Variants in BMPER observed in about 807,000 individuals in gnomAD.
The protein encoded by BMPER is BMP binding endothelial regulator.
A neutral mutation model predicts 87.3 loss-of-function variants in BMPER; 45 were observed. The observed-to-expected ratio is 0.52, with a 90% CI of 0.41 to 0.66. The LOEUF (loss-of-function observed/expected upper bound fraction) is 0.66. BMPER is among the 30% of genes least tolerant of loss of function. BMPER has a pLI of 0.00. For missense variants in BMPER, 784 were observed against 867.5 expected (o/e 0.90, Z 1.21); for synonymous variants, 326 against 316.2 (o/e 1.03, Z -0.33).
At chr7:34,076,558 A>G (rs1788870707) in intron 11 of BMPER, among the ~76,000 whole-genome samples, 1 of 152,084 alleles carries the variant, frequency 6.6e-6, no homozygotes, top group Admixed American at 6.6e-5. Context: ...TTCAGTGACT[A>G]GATCATAGTT....
At chr7:33,981,011 T>C (rs1397830344) in intron 6 of BMPER, among the ~76,000 whole-genome samples, 1 of 152,246 alleles carries the variant, frequency 6.6e-6, no homozygotes, top group East Asian at 1.9e-4. Context: ...GACTGGATTC[T>C]TGAAGATGTT....
At chr7:34,015,032 A>G (rs1786982862) in intron 6 of BMPER, among the ~76,000 whole-genome samples, 1 of 151,928 alleles carries the variant, frequency 6.6e-6, no homozygotes, top group Non-Finnish European at 1.5e-5. Flanking sequence ...GTGATTTCAT[A>G]ATAAAGAGTC....
At chr7:34,007,915 C>T (rs1174507762) in intron 6 of BMPER, among the ~76,000 whole-genome samples, 1 of 151,842 alleles carries the variant, frequency 6.6e-6, no homozygotes, top group Admixed American at 6.6e-5. Flanking sequence ...ATATTCACCT[C>T]CATTGAGAGT....
intron 13 of BMPER, among the ~76,000 whole-genome samples, chr7:34,113,489 A>ATTTT (rs79910378): frequency 6.6e-6 from 1 of 151,510 alleles, no homozygotes; most frequent in Admixed American, 6.6e-5. Flanking sequence ...ATTTTATTTT[A>ATTTT]AATCTTTAAT....
intron 13 of BMPER, among the ~76,000 whole-genome samples, chr7:34,141,412 C>G (rs1489313123): frequency 6.6e-6 from 1 of 151,944 alleles, no homozygotes; most frequent in African/African-American, 2.4e-5. Context: ...GAGTTCGAGA[C>G]CAGCCTGGCC....
chr7:34,123,076 T>A (rs1253157493), intron 13 of BMPER, among the ~76,000 whole-genome samples: 2 of 152,224 alleles, frequency 1.3e-5, no homozygotes. Flanking sequence ...GAGGCTTATA[T>A]GTTACCCCCA....
intron 6 of BMPER, among the ~76,000 whole-genome samples, chr7:34,026,516 C>T (rs187762954): frequency 1.6e-4 from 24 of 152,162 alleles, no homozygotes; most frequent in African/African-American, 5.3e-4. Context: ...CTTTTAGTTC[C>T]TGGGTTACTT....
rs1487435644 is a variant in BMPER at position 34,113,644 on chromosome 7, T to G, written c.1745+27552T>G. 6.6e-5 allele frequency among the ~76,000 whole-genome samples: 10 copies of G among 152,140 alleles called. No homozygotes were observed. In the South Asian group the frequency reaches 2.1e-3, roughly 32 times the overall value. On this transcript the variant is annotated intron_variant, in intron 13 of 14. Coordinates refer to ENST00000649409, the MANE Select transcript of BMPER (RefSeq NM_001365308.1). ...CTTAATAATAATAAGTTTAAAAAATTAACATAGATTAAGTTCTTCATCATG... is the reference window on the plus strand; with the variant it reads ...CTTAATAATAATAAGTTTAAAAAATGAACATAGATTAAGTTCTTCATCATG...
chr7:33,954,991 G>A (rs6944669), intron 3 of BMPER, among the ~76,000 whole-genome samples: 7,677 of 152,188 alleles, frequency 0.05, 648 homozygotes, highest in African/African-American at 0.17. Flanking sequence ...TCCGCCTGCC[G>A]GGTTCAAGCG....
At chr7:34,113,366 G>T (rs1318506526) in intron 13 of BMPER, among the ~76,000 whole-genome samples, 4 of 151,704 alleles carry the variant, frequency 2.6e-5, no homozygotes, top group African/African-American at 9.7e-5. Flanking sequence ...TTTTTTTGTG[G>T]TTTATAGGTT....
intron 13 of BMPER, among the ~76,000 whole-genome samples, chr7:34,129,610 A>AAG (rs1159641741): frequency 5.7e-5 from 4 of 69,644 alleles, no homozygotes; most frequent in South Asian, 4.9e-4. Flanking sequence ...GAGAGAGAGA[A>AAG]AGAGAGAGAG....
intron 14 of BMPER, among the ~76,000 whole-genome samples, chr7:34,151,116 G>A (rs1791164433): frequency 6.6e-6 from 1 of 152,136 alleles, no homozygotes; most frequent in Admixed American, 6.5e-5. Context: ...ATGCATGAGG[G>A]AGCCTATTGA....
At chr7:34,071,005 C>T (rs1223099587) in intron 11 of BMPER, among the ~76,000 whole-genome samples, 2 of 152,116 alleles carry the variant, frequency 1.3e-5, no homozygotes, top group South Asian at 2.1e-4. Context: ...AGCAGCTCTG[C>T]ACTCTGGTGC....
At chr7:34,073,161 A>G (rs185898996) in intron 11 of BMPER, among the ~76,000 whole-genome samples, 75 of 152,336 alleles carry the variant, frequency 4.9e-4, no homozygotes, top group African/African-American at 1.7e-3. Context: ...TTATTGGTAC[A>G]TAATATGTGT....
Position 34,025,633 on chromosome 7 carries a change from A to G in BMPER, c.577-20673A>G, listed in dbSNP as rs576865373. On this transcript the variant is annotated intron_variant, in intron 6 of 14. Coordinates refer to ENST00000649409, the MANE Select transcript of BMPER (RefSeq NM_001365308.1). ...CTAGGCAATTAAGTATTCAATGACT[A>G]AAGGAGTGACTGAGGCAGAAATCCA... 3.8e-4 allele frequency among the ~76,000 whole-genome samples: 58 copies of G among 152,158 alleles called. No homozygotes were observed. The South Asian group carries it at 4.1e-3, about 11-fold the overall frequency.
At chr7:33,939,314 C>G (rs906243605) in intron 3 of BMPER, among the ~76,000 whole-genome samples, 1 of 152,126 alleles carries the variant, frequency 6.6e-6, no homozygotes, top group Non-Finnish European at 1.5e-5. Context: ...AAGAGATACC[C>G]AAGACAAACA....
chr7:33,927,396 T>C (rs1186544930), intron 2 of BMPER, among the ~76,000 whole-genome samples: 1 of 152,170 alleles, frequency 6.6e-6, no homozygotes. Context: ...CACAGAGATA[T>C]GGTTTTGCCA....
chr7:33,980,772 T>G (rs796919321), intron 6 of BMPER, among the ~76,000 whole-genome samples: 1 of 152,160 alleles, frequency 6.6e-6, no homozygotes, highest in East Asian at 1.9e-4. Flanking sequence ...CAAAGGCGTA[T>G]TAAGTTCAGA....
chr7:33,970,487 A>T, intron 5 of BMPER, 68 bp downstream of exon 5: 2 of 1,504,464 alleles, frequency 1.3e-6, no homozygotes, highest in South Asian at 2.3e-5. Flanking sequence ...GAATCTCCCA[A>T]CCCCTCTTGT....
Sources: allele counts gnomAD v4.1 joint callset (sites outside exome capture counted in the v4.1 genomes callset), GRCh38; gene constraint gnomAD v4.1.1; transcripts MANE v1.5; gene names NCBI Gene and HGNC (gene_info 2026-07-23, HGNC 2026-07-21).